Variants in PHF8 observed in about 807,000 individuals in gnomAD.
PHF8 encodes the protein PHD finger protein 8.
PHF8 carries 9 observed loss-of-function variants against 74.4 expected under a neutral mutation model. The observed-to-expected ratio is 0.12, with a 90% confidence interval of 0.07 to 0.21. PHF8 has a LOEUF of 0.21. Ranked by LOEUF, PHF8 falls within the 10% of genes least tolerant of loss-of-function variation. The pLI is 1.00. For missense variants in PHF8, 478 were observed against 816.6 expected (o/e 0.59, Z 5.05); for synonymous variants, 311 against 316.6 (o/e 0.98, Z 0.19).
chrX:53,965,175 ACACG>A (rs781869934), intron 18 of PHF8, among the ~76,000 whole-genome samples: 11 of 112,035 alleles, frequency 9.8e-5, no homozygotes, highest in Non-Finnish European at 1.9e-4. Context: ...GCACACACAC[ACACG>A]CACGCACACA....
At chrX:53,964,735 C>T (rs985263438) in intron 18 of PHF8, among the ~76,000 whole-genome samples, 8 of 109,661 alleles carry the variant, frequency 7.3e-5, no homozygotes, top group African/African-American at 2.0e-4. Flanking sequence ...GGCGTGGTGG[C>T]GCGCACCTGT....
At chrX:54,026,309 A>G (rs1311457105) in intron 2 of PHF8, among the ~76,000 whole-genome samples, 1 of 103,034 alleles carries the variant, frequency 9.7e-6, no homozygotes, top group Non-Finnish European at 2.0e-5. Flanking sequence ...AGCCGAGATC[A>G]TGCCACTGCA....
At chrX:54,004,999 G>C (rs1486327179) in intron 8 of PHF8, among the ~76,000 whole-genome samples, 2 of 109,570 alleles carry the variant, frequency 1.8e-5, no homozygotes, top group Non-Finnish European at 3.8e-5. Context: ...ACAGAAGAAA[G>C]AAACAGAAAA....
At position 54,044,093 on chromosome X, in the gene PHF8, G is replaced by A; in HGVS notation, c.-424C>T. 1.3e-6 allele frequency: 1 copy of A among 755,217 alleles called. No individual in the cohort carries two copies. Among genetic ancestry groups the A allele is most frequent in the Non-Finnish European group, 1.6e-6 (1 of 639,509 alleles). The allele number at this position is 755,217 out of a possible 1,213,427, so 62.2% of individuals were successfully genotyped here. Reference sequence around the variant, plus strand: ...GCCAGCCGCTCAACGGTGCTTCAGAGCAGCCTCCTCCACAACATTCCCCTC... The same window carrying A: ...GCCAGCCGCTCAACGGTGCTTCAGAACAGCCTCCTCCACAACATTCCCCTC... On this transcript the variant is annotated 5_prime_UTR_variant, in exon 1 of 22. Transcript: ENST00000338154.
In PHF8 at chrX:53,993,768, T is replaced by G. The variant is rs2065705458; in HGVS notation, c.1459A>C (p.Lys487Gln). 4 of 1,211,457 alleles carry G rather than the reference T, an allele frequency of 3.3e-6. No homozygotes were observed. Among genetic ancestry groups the G allele is most frequent in the Non-Finnish European group, 4.5e-6 (4 of 895,014 alleles). ...AGGCCTTTCTTCTTTGAACCATTTT[T>G]GGAGGGCAGTGACAGCCTGGACATG... The part of the protein sequence containing the change: ...VSMSRLSLPS[K>Q]NGSKKKGLKP... Residue 487 changes from lysine to glutamine, a missense_variant, in exon 13 of 22, where the codon AAA (lysine) becomes CAA (glutamine). By Grantham distance (53) the Lys-to-Gln change is moderately conservative. Transcript: ENST00000338154.
intron 2 of PHF8, among the ~76,000 whole-genome samples, chrX:54,033,790 G>A (rs1557113240): frequency 9.0e-6 from 1 of 110,690 alleles, no homozygotes; most frequent in Non-Finnish European, 1.9e-5. Flanking sequence ...AGGCATGGTG[G>A]TATGTGCCTT....
At chrX:53,990,545 G>A (rs1356101838) in intron 14 of PHF8, among the ~76,000 whole-genome samples, 2 of 111,178 alleles carry the variant, frequency 1.8e-5, no homozygotes, top group Non-Finnish European at 3.8e-5. Flanking sequence ...ATGAGTTCTG[G>A]ACAAAGGCAA....
intron 1 of PHF8, 95 bp from the exon 2 acceptor site, chrX:54,042,915 G>A: frequency 1.5e-6 from 1 of 681,615 alleles, no homozygotes; most frequent in Non-Finnish European, 2.1e-6. Context: ...TACCGCCGCC[G>A]GGATGCAACA....
chrX:53,948,271 C>T (rs782763507), intron 19 of PHF8, among the ~76,000 whole-genome samples: 4 of 111,501 alleles, frequency 3.6e-5, no homozygotes, highest in South Asian at 7.5e-4. Context: ...GTGGTTACAC[C>T]GGGGAATGGC....
rs1214494604 is a variant in PHF8, at chrX:53,958,393, T to C, written c.2539+4451A>G. Among the ~76,000 whole-genome samples, 4 of 107,705 alleles carry C rather than the reference T, an allele frequency of 3.7e-5. No individual in the cohort carries two copies. The East Asian group carries it at 1.2e-3, about 32-fold the overall frequency. The allele number at this position is 107,705 out of a possible 115,157, so 93.5% of individuals were successfully genotyped here. A position where few individuals can be genotyped will look rare whatever the true frequency, so the allele number is the denominator to read the frequency against. On this transcript the variant is annotated intron_variant, in intron 19 of 21. Coordinates refer to ENST00000338154, the MANE Select transcript of PHF8 (RefSeq NM_015107.3). ...AGCACATAACAGCGTATAAAATACG[T>C]TTCCAACTGAGTTAAAAAAAAAAGG...
At chrX:53,941,842 C>A (rs1557083645) in intron 20 of PHF8, among the ~76,000 whole-genome samples, 1 of 111,718 alleles carries the variant, frequency 9.0e-6, no homozygotes, top group Non-Finnish European at 1.9e-5. Flanking sequence ...CACAGAGAGG[C>A]TAAGTCATTT....
rs782812565 is a variant in PHF8, at chrX:54,016,708, A to G, written c.483T>C (p.Asp161=). The change falls in exon 6 of 22, where the codon GAT becomes GAC. Residue 161 remains aspartate (D), a synonymous_variant. Coordinates refer to ENST00000338154, the MANE Select transcript of PHF8 (RefSeq NM_015107.3). The part of the protein sequence containing the change: ...VGSDKEIDVI[D]VTRQADCKMK... ...TCTTGCAGTCAGCCTGGCGGGTCACATCAATCACATCAATCTCTTTGTCAG... is the reference window on the plus strand; with the variant it reads ...TCTTGCAGTCAGCCTGGCGGGTCACGTCAATCACATCAATCTCTTTGTCAG... 1 of 1,201,011 alleles carries G rather than the reference A, an allele frequency of 8.3e-7. No individual in the cohort carries two copies. Among genetic ancestry groups the G allele is most frequent in the Non-Finnish European group, 1.1e-6 (1 of 886,183 alleles).
At chrX:54,035,824 T>C (rs1357068027) in intron 2 of PHF8, among the ~76,000 whole-genome samples, 3 of 107,474 alleles carry the variant, frequency 2.8e-5, no homozygotes, top group African/African-American at 6.8e-5. Flanking sequence ...AATGAATGAA[T>C]GAGTAGGCCG....
chrX:53,961,087 T>C (rs1301537952), intron 19 of PHF8, among the ~76,000 whole-genome samples: 1 of 108,844 alleles, frequency 9.2e-6, no homozygotes, highest in Admixed American at 9.9e-5. Flanking sequence ...AGTGGCATGG[T>C]CTCGGCTCAG....
chrX:53,987,553 T>C (rs1557099923), intron 15 of PHF8, among the ~76,000 whole-genome samples: 1 of 111,197 alleles, frequency 9.0e-6, no homozygotes, highest in Non-Finnish European at 1.9e-5. Flanking sequence ...CTACTAAAAA[T>C]ACAAAATTAG....
chrX:53,952,028 G>A (rs1267490139), intron 19 of PHF8, among the ~76,000 whole-genome samples: 2 of 110,593 alleles, frequency 1.8e-5, no homozygotes, highest in Admixed American at 1.9e-4. Context: ...GCTCATGCCT[G>A]TAATCCCAGC....
intron 6 of PHF8, 125 bp from the exon 7 acceptor site, chrX:54,014,688 C>T: frequency 1.9e-6 from 1 of 517,901 alleles, no homozygotes; most frequent in South Asian, 2.6e-5. Flanking sequence ...TCCACAGAAT[C>T]CCCAAAGGCA....
chrX:53,979,470 A>G (rs1429511875), intron 18 of PHF8, among the ~76,000 whole-genome samples: 2 of 112,345 alleles, frequency 1.8e-5, no homozygotes, highest in Non-Finnish European at 3.8e-5. Context: ...TTTCAACTCA[A>G]GATGTTGAAT....
At chrX:54,037,435 C>T (rs1371118693) in intron 2 of PHF8, among the ~76,000 whole-genome samples, 4 of 111,112 alleles carry the variant, frequency 3.6e-5, no homozygotes, top group African/African-American at 6.6e-5. Flanking sequence ...CTTGTAGAGA[C>T]GGGGTTTTAC....
Sources: allele counts gnomAD v4.1 joint callset (sites outside exome capture counted in the v4.1 genomes callset), GRCh38; gene constraint gnomAD v4.1.1; transcripts MANE v1.5; gene names NCBI Gene and HGNC (gene_info 2026-07-23, HGNC 2026-07-21).